REV3L: variants seen among roughly 807,000 people sequenced by gnomAD.
The protein encoded by REV3L is DNA polymerase zeta catalytic subunit.
A neutral mutation model predicts 299.4 loss-of-function variants in REV3L; 69 were observed. The ratio of observed to expected loss-of-function variants is 0.23; its 90% CI spans 0.19 to 0.28. The LOEUF (loss-of-function observed/expected upper bound fraction) is 0.28, where lower values mean the gene tolerates loss of function less well. Ranked by LOEUF, REV3L falls within the 10% of genes least tolerant of loss-of-function variation. The probability of loss-of-function intolerance (pLI) is 1.00; values close to 1 mark genes in which losing one functional copy is unlikely to be tolerated. For synonymous variants in REV3L, 1,238 were observed against 1,271.4 expected (o/e 0.97, Z 0.56); for missense variants, 3,128 against 3,693.8 (o/e 0.85, Z 3.97).
At position 111,388,103 on chromosome 6, in the gene REV3L, G is replaced by A; in HGVS notation, c.863-18C>T. 2 of 1,543,420 alleles carry A rather than the reference G, an allele frequency of 1.3e-6. No individual in the cohort carries two copies. Among genetic ancestry groups the A allele is most frequent in the Non-Finnish European group, 1.8e-6 (2 of 1,129,050 alleles). On this transcript the variant is annotated intron_variant, in intron 7 of 31. Transcript: ENST00000368802. ...CCTGTGATCTTTGAATTTTAAAAGT[G>A]CATTAAAAAATGTAAATAGCAAATG...
In REV3L at chr6:111,421,137, A is replaced by AAAAAC. The variant is rs1453999769; in HGVS notation, c.140-4670_140-4666dup. Among the ~76,000 whole-genome samples the AAAAAC allele has an allele frequency of 5.9e-5, 9 of 152,194 alleles. No homozygotes were observed. In the East Asian group the frequency reaches 1.2e-3, roughly 19 times the overall value. ...AGCGAGACTCCATCTCAAAAAAAACAAAAACAAAACAAAACATTAAGTCCT... is the reference window on the plus strand; with the variant it reads ...AGCGAGACTCCATCTCAAAAAAAACAAAAACAAAACAAAACAAAACATTAAGTCCT... On this transcript the variant is annotated intron_variant, in intron 1 of 31. Transcript: ENST00000368802.
chr6:111,330,011 T>C (rs945989358), intron 24 of REV3L, among the ~76,000 whole-genome samples: 1 of 152,216 alleles, frequency 6.6e-6, no homozygotes, highest in Non-Finnish European at 1.5e-5. Flanking sequence ...TGTCAACTAG[T>C]GCATAAGTGA....
At position 111,357,075 on chromosome 6, in the gene REV3L, C is replaced by T. The variant is rs760207701; in HGVS notation, c.7123G>A (p.Glu2375Lys). 1.3e-5 allele frequency: 21 copies of T among 1,599,650 alleles called. No homozygotes were observed. Among genetic ancestry groups the T allele is most frequent in the East Asian group, 2.2e-5 (1 of 44,448 alleles). Residue 2375 changes from glutamate to lysine, a missense_variant, in exon 18 of 32, where the codon GAA becomes AAA. This residue lies in a region of REV3L where 82 missense variants were observed against 142.7 expected (regional missense o/e 0.57). Coordinates refer to ENST00000368802, the MANE Select transcript of REV3L (RefSeq NM_001372078.1). ...TTCTCATCAGCAGCATAGGTGACTT[C>T]GAGTCCTGTAATTCCAGATCTAATA... ...LLIRSGITGL[E>K]VTYAADEKAL...
At chr6:111,426,465 T>C (rs1786194589) in intron 1 of REV3L, among the ~76,000 whole-genome samples, 1 of 152,226 alleles carries the variant, frequency 6.6e-6, no homozygotes. Flanking sequence ...AACCCATTTA[T>C]GCCAGAGGTT....
intron 1 of REV3L, among the ~76,000 whole-genome samples, chr6:111,474,047 T>C (rs1331148336): frequency 6.6e-6 from 1 of 152,172 alleles, no homozygotes; most frequent in Non-Finnish European, 1.5e-5. Context: ...ATCTACACAG[T>C]GCCTGGTGAA....
At chr6:111,345,429 A>C (rs1776925183) in intron 20 of REV3L, among the ~76,000 whole-genome samples, 1 of 152,212 alleles carries the variant, frequency 6.6e-6, no homozygotes, top group African/African-American at 2.4e-5. Flanking sequence ...TGAATTTTAA[A>C]GGAAAAGGAC....
chr6:111,405,551 G>T lies in REV3L; in HGVS notation c.484C>A (p.Gln162Lys), dbSNP rs756937041. ...PHEAHIPYLLQLFIDYNLYGM... is the reference protein window; with the variant it reads ...PHEAHIPYLLKLFIDYNLYGM... Reference sequence around the variant, plus strand: ...TAAAGATTGTAGTCAATGAAGAGCTGTAGGAGGTAGGGAATATGCGCTTCA... The same window carrying T: ...TAAAGATTGTAGTCAATGAAGAGCTTTAGGAGGTAGGGAATATGCGCTTCA... Residue 162 changes from glutamine to lysine, a missense_variant, in exon 4 of 32, where the codon CAG becomes AAG. Physicochemically the swap from Gln to Lys is moderately conservative, Grantham distance 53. Around this residue, in one of 9 missense-constraint regions of REV3L, gnomAD observed 2,409 missense variants for 2,611.8 expected, o/e 0.92. Transcript: ENST00000368802. The T allele has an allele frequency of 2.5e-6, 4 of 1,605,830 alleles. No homozygotes were observed. The highest frequency in any genetic ancestry group is 3.4e-6 in the Non-Finnish European group (4 of 1,175,860).
intron 3 of REV3L, among the ~76,000 whole-genome samples, chr6:111,408,597 A>G (rs1582878083): frequency 8.8e-6 from 1 of 113,602 alleles, no homozygotes; most frequent in African/African-American, 3.1e-5. Flanking sequence ...GTGAGACTCC[A>G]TCTTAAAAAC....
intron 18 of REV3L, among the ~76,000 whole-genome samples, chr6:111,352,436 T>C (rs1392617345): frequency 6.6e-6 from 1 of 152,116 alleles, no homozygotes; most frequent in Non-Finnish European, 1.5e-5. Flanking sequence ...AGTGAGAATA[T>C]AATGTGGGCA....
chr6:111,361,470 T>C (rs1291855977), intron 16 of REV3L: 1 of 146,234 alleles, frequency 6.8e-6, no homozygotes, highest in Non-Finnish European at 1.5e-5. Flanking sequence ...TGAAAAGACA[T>C]GAAGACTCTG....
At chr6:111,458,748 G>A (rs1006106354) in intron 1 of REV3L, among the ~76,000 whole-genome samples, 5 of 151,918 alleles carry the variant, frequency 3.3e-5, no homozygotes, top group African/African-American at 1.2e-4. Flanking sequence ...ATCTCTACAA[G>A]GAGAACTACA....
chr6:111,409,350 G>A (rs1301618594), intron 3 of REV3L, among the ~76,000 whole-genome samples: 1 of 148,492 alleles, frequency 6.7e-6, no homozygotes, highest in East Asian at 1.9e-4. Context: ...ATATTCTAAT[G>A]TGAAACCGGC....
At chr6:111,402,355 C>A (rs531513082) in intron 4 of REV3L, among the ~76,000 whole-genome samples, 1 of 152,130 alleles carries the variant, frequency 6.6e-6, no homozygotes, top group Non-Finnish European at 1.5e-5. Flanking sequence ...CCTTAACCTG[C>A]GGAGGGCTCC....
At chr6:111,389,315 T>C in intron 6 of REV3L, 105 bp from the exon 7 acceptor site, 1 of 816,186 alleles carries the variant, frequency 1.2e-6, no homozygotes, top group Non-Finnish European at 2.0e-6. Context: ...ACCAATCACA[T>C]ATTTTGTGTA....
chr6:111,466,952 A>G (rs982873386), intron 1 of REV3L, among the ~76,000 whole-genome samples: 1 of 152,248 alleles, frequency 6.6e-6, no homozygotes, highest in Non-Finnish European at 1.5e-5. Flanking sequence ...CTTCCTTTCA[A>G]TTTTCAGTGA....
At chr6:111,315,417 AGTCATT>A (rs774717788) in intron 26 of REV3L, 36 bp from the exon 27 acceptor site, 1 of 1,538,750 alleles carries the variant, frequency 6.5e-7, no homozygotes, top group Non-Finnish European at 8.9e-7. Flanking sequence ...GTAATGAGGA[AGTCATT>A]ATAACAAAAA....
At chr6:111,433,944 C>CA (rs34209366) in intron 1 of REV3L, among the ~76,000 whole-genome samples, 1 of 151,974 alleles carries the variant, frequency 6.6e-6, no homozygotes, top group African/African-American at 2.4e-5. Context: ...TAATCATGAA[C>CA]AAAAAAGCCT....
chr6:111,439,548 A>C (rs968517952), intron 1 of REV3L, among the ~76,000 whole-genome samples: 2 of 152,220 alleles, frequency 1.3e-5, no homozygotes, highest in African/African-American at 4.8e-5. Context: ...AAAAGTGAAA[A>C]AGCTACATAA....
chr6:111,361,634 C>T (rs1778690700), intron 16 of REV3L: 1 of 151,634 alleles, frequency 6.6e-6, no homozygotes, highest in South Asian at 2.1e-4. Flanking sequence ...AAAGACATGG[C>T]TTGAGAGATT....
Sources: gnomAD v4.1 joint callset for allele counts (sites outside exome capture counted in the v4.1 genomes callset) on GRCh38, gnomAD v4.1.1 for gene constraint, gnomAD v4.1.1 regional missense constraint, MANE v1.5 for transcripts, NCBI Gene and HGNC (gene_info 2026-07-23, HGNC 2026-07-21) for gene names.